Variants in KCNIP4 observed in about 807,000 individuals in gnomAD.
KCNIP4 encodes the protein Kv channel-interacting protein 4.
KCNIP4 carries 12 observed loss-of-function variants against 34.0 expected under a neutral mutation model. The observed-to-expected ratio is 0.35, with a 90% CI of 0.23 to 0.57. The LOEUF is 0.57. Among genes scored for constraint, KCNIP4 ranks in the 20% least tolerant of loss-of-function variants. KCNIP4 has a pLI of 0.83. For missense variants in KCNIP4, 238 were observed against 311.7 expected (o/e 0.76, Z 1.78); for synonymous variants, 124 against 102.2 (o/e 1.21, Z -1.29).
intron 1 of KCNIP4, among the ~76,000 whole-genome samples, chr4:21,833,498 G>T (rs1334493153): frequency 2.0e-5 from 3 of 152,094 alleles, no homozygotes; most frequent in Non-Finnish European, 4.4e-5. Flanking sequence ...TTAGCCCTTT[G>T]TCAGATGAGT....
chr4:21,199,181 T>G (rs1017529861), intron 1 of KCNIP4, among the ~76,000 whole-genome samples: 1 of 152,222 alleles, frequency 6.6e-6, no homozygotes. Flanking sequence ...TAATTTACAG[T>G]GCTACCGACA....
chr4:21,417,289 G>A (rs1243156128), intron 1 of KCNIP4, among the ~76,000 whole-genome samples: 1 of 152,038 alleles, frequency 6.6e-6, no homozygotes, highest in East Asian at 1.9e-4. Context: ...GTGTGTGTGT[G>A]TGTGTCTGTT....
At chr4:21,396,549 C>CA (rs555585102) in intron 1 of KCNIP4, among the ~76,000 whole-genome samples, 5,808 of 52,834 alleles carry the variant, frequency 0.11, 819 homozygotes, top group African/African-American at 0.27. Flanking sequence ...AGCAAGACTC[C>CA]AAAAAAAAAA....
intron 1 of KCNIP4, among the ~76,000 whole-genome samples, chr4:21,165,612 T>C (rs1753576005): frequency 6.6e-6 from 1 of 151,804 alleles, no homozygotes; most frequent in East Asian, 1.9e-4. Context: ...AGGAAAAAAA[T>C]CTTAGTACTC....
At chr4:21,303,408 C>T (rs906133515) in intron 1 of KCNIP4, among the ~76,000 whole-genome samples, 4 of 152,076 alleles carry the variant, frequency 2.6e-5, no homozygotes, top group South Asian at 4.1e-4. Context: ...AATGTATTTG[C>T]ATAGCAAGAA....
intron 1 of KCNIP4, among the ~76,000 whole-genome samples, chr4:21,820,177 C>T (rs1018424819): frequency 4.7e-5 from 7 of 150,272 alleles, no homozygotes; most frequent in African/African-American, 1.7e-4. Context: ...TACTCTTGTG[C>T]AAATCACATT....
chr4:21,052,342 C>A (rs540624256), intron 1 of KCNIP4, among the ~76,000 whole-genome samples: 3 of 152,114 alleles, frequency 2.0e-5, no homozygotes, highest in Non-Finnish European at 2.9e-5. Flanking sequence ...AAAGGTACTT[C>A]CCATGAATCC....
intron 1 of KCNIP4, among the ~76,000 whole-genome samples, chr4:21,910,988 A>T (rs970231272): frequency 6.6e-5 from 10 of 152,206 alleles, no homozygotes; most frequent in South Asian, 2.1e-4. Flanking sequence ...ATTCCAAATA[A>T]AAGTGGAAAG....
At chr4:20,798,359 G>T (rs758758720) in intron 3 of KCNIP4, among the ~76,000 whole-genome samples, 8 of 152,246 alleles carry the variant, frequency 5.3e-5, no homozygotes, top group Non-Finnish European at 1.2e-4. Context: ...TGTAGGCATT[G>T]CCCATGTCTA....
intron 1 of KCNIP4, among the ~76,000 whole-genome samples, chr4:20,910,795 C>G (rs1728253916): frequency 6.6e-6 from 1 of 152,150 alleles, no homozygotes; most frequent in Non-Finnish European, 1.5e-5. Context: ...TGGCATTGCA[C>G]TGAAGATATA....
intron 1 of KCNIP4, among the ~76,000 whole-genome samples, chr4:21,792,014 A>G (rs1327001697): frequency 4.7e-5 from 7 of 149,326 alleles, no homozygotes; most frequent in Non-Finnish European, 1.0e-4. Flanking sequence ...AAAAAAAAAA[A>G]AAAAAAAAAA....
intron 1 of KCNIP4, among the ~76,000 whole-genome samples, chr4:21,760,274 T>C (rs1717955453): frequency 6.6e-6 from 1 of 152,064 alleles, no homozygotes; most frequent in African/African-American, 2.4e-5. Flanking sequence ...ACTGCAAATC[T>C]TGAGTGCTCT....
rs570027485 is a variant in KCNIP4 at position 20,990,400 on chromosome 4, T to G, written c.62-107691A>C. On this transcript the variant is annotated intron_variant, in intron 1 of 8. Transcript: ENST00000382152. ...AATGGACTTCTTTAAAATATGTATATGGATGTCCATTAAACTATTAAGTAC... is the reference window on the plus strand; with the variant it reads ...AATGGACTTCTTTAAAATATGTATAGGGATGTCCATTAAACTATTAAGTAC... Among the ~76,000 whole-genome samples, 10 of 152,296 alleles carry G rather than the reference T, an allele frequency of 6.6e-5. No individual in the cohort carries two copies. In the South Asian group the frequency reaches 1.9e-3, roughly 28 times the overall value.
At chr4:21,727,981 T>C (rs1715318883) in intron 1 of KCNIP4, among the ~76,000 whole-genome samples, 1 of 152,204 alleles carries the variant, frequency 6.6e-6, no homozygotes, top group Non-Finnish European at 1.5e-5. Context: ...TCACATAGTA[T>C]CTAATACTAC....
At chr4:20,897,229 C>T (rs925358518) in intron 1 of KCNIP4, among the ~76,000 whole-genome samples, 1 of 152,040 alleles carries the variant, frequency 6.6e-6, no homozygotes, top group African/African-American at 2.4e-5. Flanking sequence ...CAACCCACCC[C>T]CTCCAACCCA....
At chr4:21,557,114 A>C (rs761994928) in intron 1 of KCNIP4, among the ~76,000 whole-genome samples, 1 of 152,054 alleles carries the variant, frequency 6.6e-6, no homozygotes, top group African/African-American at 2.4e-5. Context: ...CATGTGGAGC[A>C]CTTACTAAAT....
intron 1 of KCNIP4, among the ~76,000 whole-genome samples, chr4:20,982,782 T>C (rs1736196193): frequency 6.6e-6 from 1 of 152,206 alleles, no homozygotes; most frequent in African/African-American, 2.4e-5. Flanking sequence ...TTAGCTCCTA[T>C]AGTTAGAAAG....
chr4:20,859,669 T>A (rs1029108514), intron 2 of KCNIP4, among the ~76,000 whole-genome samples: 1 of 152,142 alleles, frequency 6.6e-6, no homozygotes, highest in Non-Finnish European at 1.5e-5. Flanking sequence ...GTCATCGTTC[T>A]CCTCTTTCTC....
intron 1 of KCNIP4, chr4:21,850,990 T>C (rs1724346720): frequency 6.6e-6 from 1 of 151,762 alleles, no homozygotes; most frequent in Admixed American, 6.6e-5. Context: ...CAGAACATAA[T>C]GACATAGGAA....
Sources: allele counts gnomAD v4.1 joint callset (sites outside exome capture counted in the v4.1 genomes callset), GRCh38; gene constraint gnomAD v4.1.1; transcripts MANE v1.5; gene names NCBI Gene and HGNC (gene_info 2026-07-23, HGNC 2026-07-21).